Variants in ATP10A observed in about 807,000 individuals in gnomAD.
ATP10A encodes phospholipid-transporting ATPase VA.
ATP10A carries 111 observed loss-of-function variants against 147.8 expected under a neutral mutation model. That is an observed-to-expected ratio of 0.75 (90% CI 0.64 to 0.88). The LOEUF (loss-of-function observed/expected upper bound fraction) is 0.88. Ranked by LOEUF, ATP10A falls within the 40% of genes least tolerant of loss-of-function variation. The pLI, the probability that ATP10A is intolerant of heterozygous loss-of-function variation, is 0.00. For synonymous variants in ATP10A, 875 were observed against 841.6 expected (o/e 1.04, Z -0.69); for missense variants, 1,927 against 1,959.0 (o/e 0.98, Z 0.31).
Position 25,718,407 on chromosome 15 carries a change from G to T in ATP10A, c.1364-8C>A, listed in dbSNP as rs766152224. ...ACCTGGCCAGACGCTGCGCTGCGGG[G>T]AGAGGGCGCAGGGTGAGGCATCATG... On this transcript the variant is annotated splice_region_variant and splice_polypyrimidine_tract_variant and intron_variant, in intron 7 of 20. Transcript: ENST00000555815. The T allele has an allele frequency of 4.1e-5, 65 of 1,582,720 alleles. No homozygotes were observed. Among genetic ancestry groups the T allele is most frequent in the Non-Finnish European group, 5.3e-5 (62 of 1,168,508 alleles).
intron 9 of ATP10A, 26 bp from the exon 10 acceptor site, chr15:25,714,267 G>T (rs1368600170): frequency 1.9e-6 from 3 of 1,596,420 alleles, no homozygotes; most frequent in Non-Finnish European, 2.5e-6. Context: ...TCAGAAGGCA[G>T]GTGAGGGAAC....
intron 2 of ATP10A, among the ~76,000 whole-genome samples, chr15:25,770,185 A>G (rs1481662759): frequency 1.3e-5 from 2 of 151,978 alleles, no homozygotes; most frequent in African/African-American, 4.8e-5. Flanking sequence ...CCATGTTTTC[A>G]GCCATCACAA....
intron 12 of ATP10A, among the ~76,000 whole-genome samples, chr15:25,705,440 C>CAAAAAAAAAAA (rs67294220): frequency 4.6e-5 from 4 of 86,208 alleles, no homozygotes; most frequent in Admixed American, 1.2e-4. Context: ...TGTCTCAAAG[C>CAAAAAAAAAAA]AAAAAAAAAA....
At chr15:25,694,726 G>A in intron 14 of ATP10A, 93 bp downstream of exon 14, 1 of 1,117,612 alleles carries the variant, frequency 8.9e-7, no homozygotes, top group Non-Finnish European at 1.3e-6. Context: ...GAAAGGTGAG[G>A]AAGTGTTTTC....
chr15:25,831,740 C>T (rs1235075739), intron 1 of ATP10A, among the ~76,000 whole-genome samples: 1 of 152,136 alleles, frequency 6.6e-6, no homozygotes, highest in Admixed American at 6.5e-5. Flanking sequence ...ATAGCATTGT[C>T]ATATATTTCC....
chr15:25,731,643 T>C (rs1291505839), intron 3 of ATP10A, among the ~76,000 whole-genome samples: 1 of 151,844 alleles, frequency 6.6e-6, no homozygotes, highest in South Asian at 2.1e-4. Flanking sequence ...GGCTAAGGAG[T>C]GAGTGCTGGG....
rs534188616 is a variant in ATP10A, at chr15:25,830,145, A to C, written c.449+32503T>G. Among the ~76,000 whole-genome samples the C allele has an allele frequency of 1.5e-4, 23 of 152,170 alleles. 1 individual carries two copies. The South Asian group carries it at 4.8e-3, about 32-fold the overall frequency. On this transcript the variant is annotated intron_variant, in intron 1 of 20. Transcript: ENST00000555815. ...TGTGAATGGAGCCACGGAGAGGAGGAGGCCTGGTGATGTGCCGCTGCCAGC... is the reference window on the plus strand; with the variant it reads ...TGTGAATGGAGCCACGGAGAGGAGGCGGCCTGGTGATGTGCCGCTGCCAGC...
chr15:25,722,132 C>T (rs1022787901), intron 6 of ATP10A, among the ~76,000 whole-genome samples: 5 of 152,026 alleles, frequency 3.3e-5, no homozygotes, highest in South Asian at 4.2e-4. Flanking sequence ...AGCTGCAGGG[C>T]GGGGATCCAC....
intron 2 of ATP10A, among the ~76,000 whole-genome samples, chr15:25,770,278 C>G (rs28627117): frequency 0.19 from 28,235 of 152,100 alleles, 2,818 homozygotes; most frequent in Non-Finnish European, 0.22. Context: ...TCGGCCCAGC[C>G]CAGCCCAATC....
chr15:25,804,228 A>G (rs952860451), intron 1 of ATP10A, among the ~76,000 whole-genome samples: 4 of 147,726 alleles, frequency 2.7e-5, no homozygotes, highest in East Asian at 2.0e-4. Context: ...GTGTGTGTCT[A>G]TATGTGTGAT....
At position 25,679,484 on chromosome 15, in the gene ATP10A, C is replaced by T. The variant is rs779450060; in HGVS notation, c.4357G>A (p.Val1453Ile). Reference sequence around the variant, plus strand: ...TGCTCCGTCCGGGAGAACTGTAAGACACTCCCCAGCCTGCTGACCAGCGAC... The same window carrying T: ...TGCTCCGTCCGGGAGAACTGTAAGATACTCCCCAGCCTGCTGACCAGCGAC... ...SWSLVSRLGS[V>I]LQFSRTEQLA... The change falls in exon 21 of 21, where the codon GTC becomes ATC. Residue 1453 changes from valine (V) to isoleucine (I), a missense_variant. By Grantham distance (29) the Val-to-Ile change is conservative (BLOSUM62 3). Coordinates refer to ENST00000555815, the MANE Select transcript of ATP10A (RefSeq NM_024490.4). 7.4e-6 allele frequency: 12 copies of T among 1,613,906 alleles called. No individual in the cohort carries two copies. In the Admixed American group the frequency reaches 1.8e-4, roughly 25 times the overall value.
At chr15:25,764,920 G>A (rs1465719018) in intron 2 of ATP10A, among the ~76,000 whole-genome samples, 5 of 152,202 alleles carry the variant, frequency 3.3e-5, no homozygotes, top group African/African-American at 1.2e-4. Flanking sequence ...GAGTGCCACT[G>A]GGGACCTGTG....
At chr15:25,780,358 G>A (rs1416360311) in intron 2 of ATP10A, among the ~76,000 whole-genome samples, 1 of 152,246 alleles carries the variant, frequency 6.6e-6, no homozygotes, top group East Asian at 1.9e-4. Context: ...CCATTTCCTT[G>A]TAGGGTCTTC....
In ATP10A at chr15:25,692,033, G is replaced by C. The variant is rs1474136796; in HGVS notation, c.3089-242C>G. Among the ~76,000 whole-genome samples, 6 of 152,228 alleles carry C rather than the reference G, an allele frequency of 3.9e-5. No individual in the cohort carries two copies. The East Asian group carries it at 1.2e-3, about 29-fold the overall frequency. On this transcript the variant is annotated intron_variant, in intron 14 of 20. Transcript: ENST00000555815. ...CTGGAGCTGAGCCACCTGGTACATG[G>C]CGCCTGCTCTGCAGTGCCGCTCTTA...
intron 2 of ATP10A, 85 bp from the exon 3 acceptor site, chr15:25,736,226 C>A (rs547735259): frequency 9.5e-7 from 1 of 1,057,530 alleles, no homozygotes; most frequent in Non-Finnish European, 1.4e-6. Flanking sequence ...GTCTCGCATC[C>A]GCGGCAGGCA....
chr15:25,731,580 G>C (rs750800644), intron 3 of ATP10A, among the ~76,000 whole-genome samples: 30 of 152,160 alleles, frequency 2.0e-4, no homozygotes, highest in Non-Finnish European at 3.1e-4. Flanking sequence ...GTCAGGCTGA[G>C]CCAGGCCTCC....
chr15:25,760,278 AATG>A (rs1888691215), intron 2 of ATP10A, among the ~76,000 whole-genome samples: 1 of 152,206 alleles, frequency 6.6e-6, no homozygotes, highest in Non-Finnish European at 1.5e-5. Flanking sequence ...CAAAACATGG[AATG>A]ATGTTTAGCC....
downstream of ATP10A, among the ~76,000 whole-genome samples, chr15:25,675,988 A>T (rs779332174): frequency 3.0e-4 from 45 of 152,104 alleles, no homozygotes; most frequent in South Asian, 4.6e-3. Flanking sequence ...GGAGAGGAGG[A>T]GGGGAAAGGA....
chr15:25,840,959 T>C lies in ATP10A; in HGVS notation c.449+21689A>G, dbSNP rs8034785. ...CTGCATACCTTCTTCAGTGAATGTC[T>C]CATGTCTTGCCCATTTTTAAACAGG... On this transcript the variant is annotated intron_variant, in intron 1 of 20. Coordinates refer to ENST00000555815, the MANE Select transcript of ATP10A (RefSeq NM_024490.4). 3.3e-3 allele frequency among the ~76,000 whole-genome samples: 506 copies of C among 152,342 alleles called. 2 individuals carry two copies. Among genetic ancestry groups the C allele is most frequent in the African/African-American group, 0.012 (480 of 41,586 alleles).
Sources: allele counts gnomAD v4.1 joint callset (sites outside exome capture counted in the v4.1 genomes callset), GRCh38; gene constraint gnomAD v4.1.1; transcripts MANE v1.5; gene names NCBI Gene and HGNC (gene_info 2026-07-23, HGNC 2026-07-21).